ICA1L: variants seen among roughly 807,000 people sequenced by gnomAD.
ICA1L encodes islet cell autoantigen 1-like protein.
A neutral mutation model predicts 61.3 loss-of-function variants in ICA1L; 50 were observed. The ratio of observed to expected loss-of-function variants is 0.82; its 90% CI spans 0.65 to 1.03. The LOEUF (loss-of-function observed/expected upper bound fraction) is 1.03, where lower values mean the gene tolerates loss of function less well. Among genes scored for constraint, ICA1L ranks in the 50% least tolerant of loss-of-function variants. The probability of loss-of-function intolerance (pLI) is 0.00; values close to 1 mark genes in which losing one functional copy is unlikely to be tolerated. For synonymous variants in ICA1L, 161 were observed against 191.3 expected, an observed-to-expected ratio of 0.84 and a Z score of 1.31; for missense variants, 508 against 556.7, an observed-to-expected ratio of 0.91 and a Z score of 0.88.
intron 1 of ICA1L, among the ~76,000 whole-genome samples, chr2:202,861,045 C>T (rs557769419): frequency 2.0e-5 from 3 of 151,980 alleles, no homozygotes; most frequent in South Asian, 4.1e-4. Flanking sequence ...GCCTGACCAA[C>T]GTGGTGAAAC....
At chr2:202,781,876 C>T (rs1692417933) in intron 12 of ICA1L, among the ~76,000 whole-genome samples, 1 of 152,146 alleles carries the variant, frequency 6.6e-6, no homozygotes, top group Admixed American at 6.5e-5. Context: ...CTCCTACACG[C>T]AGTTTTTGAG....
intron 1 of ICA1L, among the ~76,000 whole-genome samples, chr2:202,830,697 A>G (rs534568518): frequency 5.3e-5 from 8 of 152,306 alleles, no homozygotes; most frequent in African/African-American, 1.7e-4. Context: ...TTTTAATTTG[A>G]AGTAATTACT....
intron 10 of ICA1L, among the ~76,000 whole-genome samples, chr2:202,791,727 TC>T (rs1692757022): frequency 6.6e-6 from 1 of 151,796 alleles, no homozygotes; most frequent in Non-Finnish European, 1.5e-5. Flanking sequence ...ATGCCTGTAA[TC>T]CCAGCTACTC....
intron 1 of ICA1L, among the ~76,000 whole-genome samples, chr2:202,866,353 A>G (rs1687511739): frequency 6.6e-6 from 1 of 152,162 alleles, no homozygotes; most frequent in African/African-American, 2.4e-5. Context: ...GATGGAAGAA[A>G]CTTGAACCCC....
rs551370792 is a variant in ICA1L, at chr2:202,832,393, G to T, written c.-7-3377C>A. ...ACCCGGAAGGCGGAGGTTGCAGTGA[G>T]CCACTGCACTCCAGCCTGGTCGACA... On this transcript the variant is annotated intron_variant, in intron 1 of 12. Transcript: ENST00000358299. 4.5e-5 allele frequency among the ~76,000 whole-genome samples: 6 copies of T among 133,610 alleles called. No individual in the cohort carries two copies. The East Asian group carries it at 1.1e-3, about 24-fold the overall frequency. The allele number at this position is 133,610 out of a possible 152,430, so 87.7% of individuals were successfully genotyped here. A position where few individuals can be genotyped will look rare whatever the true frequency, so the allele number is the denominator to read the frequency against.
At chr2:202,780,770 T>G (rs1488487360) in intron 12 of ICA1L, among the ~76,000 whole-genome samples, 2 of 152,158 alleles carry the variant, frequency 1.3e-5, no homozygotes, top group African/African-American at 2.4e-5. Flanking sequence ...GTTCTGTTTC[T>G]GAGTACCCTG....
intron 10 of ICA1L, among the ~76,000 whole-genome samples, 176 bp from the exon 11 acceptor site, chr2:202,789,263 G>A (rs926799903): frequency 8.6e-5 from 13 of 152,036 alleles, no homozygotes; most frequent in African/African-American, 3.1e-4. Context: ...GCAGGATTTA[G>A]GTCAAAATGG....
intron 5 of ICA1L, among the ~76,000 whole-genome samples, chr2:202,817,964 G>A (rs988226437): frequency 3.3e-5 from 5 of 152,070 alleles, no homozygotes; most frequent in African/African-American, 9.7e-5. Flanking sequence ...TCCAGTAGAG[G>A]CCTATTATAT....
rs748103967 is a variant in ICA1L, at chr2:202,828,965, TACTG to T, written c.41_44del (p.Ser14Ter). On this transcript the variant is annotated frameshift_variant, in exon 2 of 13. Coordinates refer to ENST00000358299, the MANE Select transcript of ICA1L (RefSeq NM_001288622.3). LOFTEE classifies it high-confidence loss of function. ...AGTATTTCTTTTGCATTCTTCTGAC[TACTG>T]ACTGATTATCTTCTGGTCTGGGTTG... 13 of 1,607,666 alleles carry T rather than the reference TACTG, an allele frequency of 8.1e-6. No homozygotes were observed. The highest frequency in any genetic ancestry group is 1.1e-5 in the Non-Finnish European group (13 of 1,177,036).
At chr2:202,828,650 A>G (rs939833237) in intron 2 of ICA1L, among the ~76,000 whole-genome samples, 198 bp downstream of exon 2, 6 of 152,204 alleles carry the variant, frequency 3.9e-5, no homozygotes, top group African/African-American at 1.2e-4. Context: ...AGTGAATACC[A>G]ATTTTGCAAA....
Position 202,817,558 on chromosome 2 carries a change from C to T in ICA1L, c.559-15G>A, listed in dbSNP as rs753199715. 39 of 1,555,710 alleles carry T rather than the reference C, an allele frequency of 2.5e-5. No homozygotes were observed. Among genetic ancestry groups the T allele is most frequent in the Non-Finnish European group, 3.3e-5 (37 of 1,133,610 alleles). On this transcript the variant is annotated splice_polypyrimidine_tract_variant and intron_variant, in intron 5 of 12. Coordinates refer to ENST00000358299, the MANE Select transcript of ICA1L (RefSeq NM_001288622.3). ...TGCATCTGTACCTGCAATAAAAATG[C>T]TAATTTTTATTACAGATATATACTA...
At position 202,779,437 on chromosome 2, in the gene ICA1L, C is replaced by T; in HGVS notation, c.*96G>A. ...AGGTGTTATATTCACAAACACCGTG[C>T]TTTTGTGTGCGGGTTACAATCTAAA... is the stretch of plus-strand genomic sequence containing the variant. On this transcript the variant is annotated 3_prime_UTR_variant, in exon 13 of 13. Coordinates refer to ENST00000358299, the MANE Select transcript of ICA1L (RefSeq NM_001288622.3). 2.9e-6 allele frequency: 2 copies of T among 694,638 alleles called. No individual in the cohort carries two copies. Among genetic ancestry groups the T allele is most frequent in the Non-Finnish European group, 4.8e-6 (2 of 414,824 alleles). The allele number at this position is 694,638 out of a possible 1,614,324, so 43.0% of individuals were successfully genotyped here.
At chr2:202,787,859 T>C (rs543686887) in intron 11 of ICA1L, among the ~76,000 whole-genome samples, 59 of 152,338 alleles carry the variant, frequency 3.9e-4, no homozygotes, top group African/African-American at 1.3e-3. Flanking sequence ...GGAGAAACCA[T>C]TTCCATTTGG....
intron 1 of ICA1L, among the ~76,000 whole-genome samples, chr2:202,834,737 T>G (rs977439006): frequency 6.6e-6 from 1 of 152,212 alleles, no homozygotes; most frequent in Non-Finnish European, 1.5e-5. Flanking sequence ...TACTCATTCT[T>G]TACCACCTCA....
chr2:202,796,814 G>A (rs974231934), intron 10 of ICA1L, 76 bp downstream of exon 10: 4 of 873,604 alleles, frequency 4.6e-6, no homozygotes, highest in South Asian at 1.8e-5. Flanking sequence ...AGTTTCTAAT[G>A]TTAAGGAAAT....
chr2:202,774,018 T>C lies in ICA1L; in HGVS notation c.*5515A>G. On this transcript the variant is annotated 3_prime_UTR_variant, in exon 13 of 13. Coordinates refer to ENST00000358299, the MANE Select transcript of ICA1L (RefSeq NM_001288622.3). ...GAGTTGGCTGTTTTATTTTTTTAAA[T>C]TATGAACTAGCGCTGCTCCACTTCT... The C allele has an allele frequency of 1.1e-6, 1 of 879,074 alleles. No individual in the cohort carries two copies. The highest frequency in any genetic ancestry group is 1.7e-5 in the South Asian group (1 of 58,582). 54.5% of individuals were successfully genotyped at this position (879,074 alleles called of 1,614,324 possible).
chr2:202,785,833 A>C, intron 12 of ICA1L, 85 bp downstream of exon 12: 2 of 750,672 alleles, frequency 2.7e-6, no homozygotes. Context: ...AGGTGAAAAC[A>C]ATATAAAGTG....
At chr2:202,794,325 G>A (rs1202240214) in intron 10 of ICA1L, among the ~76,000 whole-genome samples, 3 of 126,012 alleles carry the variant, frequency 2.4e-5, no homozygotes, top group Admixed American at 9.7e-5. Context: ...CTGCCTGCGC[G>A]ACACAGTGAG....
At chr2:202,820,733 C>T (rs1220513402) in intron 4 of ICA1L, among the ~76,000 whole-genome samples, 1 of 152,136 alleles carries the variant, frequency 6.6e-6, no homozygotes, top group Non-Finnish European at 1.5e-5. Flanking sequence ...AGTACCTCCA[C>T]GTCACTTCCT....
Sources: gnomAD v4.1 joint callset for allele counts (sites outside exome capture counted in the v4.1 genomes callset) on GRCh38, gnomAD v4.1.1 for gene constraint, MANE v1.5 for transcripts, NCBI Gene and HGNC (gene_info 2026-07-23, HGNC 2026-07-21) for gene names.